The following DMD variants were observed in gnomAD, a reference collection of about 807,000 sequenced individuals.
DMD encodes the protein mutant dystrophin.
Under a neutral mutation model 330.1 loss-of-function variants are expected in DMD, and 63 were observed. The ratio of observed to expected loss-of-function variants is 0.19; its 90% CI spans 0.16 to 0.24. DMD has a LOEUF of 0.24. Among genes scored for constraint, DMD ranks in the 10% least tolerant of loss-of-function variants. DMD has a pLI of 1.00. For synonymous variants in DMD, 1,223 were observed against 959.8 expected (o/e 1.27, Z -5.07); for missense variants, 3,344 against 2,684.1 (o/e 1.25, Z -5.43).
chrX:32,348,314 C>A, intron 38 of DMD, 92 bp downstream of exon 38: 11 of 900,437 alleles, frequency 1.2e-5, no homozygotes, highest in Non-Finnish European at 1.8e-5. Flanking sequence ...GTAATATGTG[C>A]TCTGAAAATT....
At chrX:31,618,944 T>C (rs1382204619) in intron 55 of DMD, among the ~76,000 whole-genome samples, 1 of 111,391 alleles carries the variant, frequency 9.0e-6, no homozygotes, top group East Asian at 2.8e-4. Flanking sequence ...GGATAAGGGA[T>C]ACTCAACCAG....
At chrX:32,614,120 G>C (rs2057382599) in intron 12 of DMD, among the ~76,000 whole-genome samples, 183 bp downstream of exon 12, 1 of 110,334 alleles carries the variant, frequency 9.1e-6, no homozygotes, top group Non-Finnish European at 1.9e-5. Flanking sequence ...ATTTTGGAGG[G>C]GACTTATTCA....
intron 60 of DMD, among the ~76,000 whole-genome samples, chrX:31,430,887 C>T (rs1340599649): frequency 9.9e-6 from 1 of 101,409 alleles, no homozygotes; most frequent in Non-Finnish European, 2.0e-5. Context: ...ACTGCAAGCT[C>T]CGCCTCCCAG....
chrX:32,873,374 C>G lies in DMD; in HGVS notation c.94-23554G>C, dbSNP rs748383078. 2.2e-4 allele frequency among the ~76,000 whole-genome samples: 24 copies of G among 109,913 alleles called. 1 individual carries two copies. The highest frequency in any genetic ancestry group is 4.2e-4 in the Non-Finnish European group (22 of 52,824). On this transcript the variant is annotated intron_variant, in intron 2 of 78. Transcript: ENST00000357033. ...TAGAGTGAGAGAGCAGACATTGAAG[C>G]TACACTCAGGCCTGTTTCTCAGACT...
chrX:32,371,697 G>A (rs1482789553), intron 34 of DMD, among the ~76,000 whole-genome samples: 1 of 110,696 alleles, frequency 9.0e-6, no homozygotes, highest in Non-Finnish European at 1.9e-5. Context: ...TTATGTTTTC[G>A]TGATCAATTC....
chrX:32,402,147 C>G (rs191232112), intron 30 of DMD, among the ~76,000 whole-genome samples: 5 of 111,756 alleles, frequency 4.5e-5, no homozygotes, highest in African/African-American at 1.3e-4. Context: ...TTGCGGACAT[C>G]AGTAGGCCAT....
intron 48 of DMD, among the ~76,000 whole-genome samples, chrX:31,852,483 T>A (rs1411210407): frequency 9.0e-6 from 1 of 111,645 alleles, no homozygotes; most frequent in Non-Finnish European, 1.9e-5. Flanking sequence ...TGGTGAAGAG[T>A]ATGGGCTCTT....
intron 44 of DMD, among the ~76,000 whole-genome samples, chrX:31,988,643 G>T (rs966507650): frequency 9.1e-6 from 1 of 109,739 alleles, no homozygotes; most frequent in Non-Finnish European, 1.9e-5. Context: ...CTTTTTAATT[G>T]TGACTTTCAT....
intron 43 of DMD, among the ~76,000 whole-genome samples, chrX:32,253,751 G>A (rs910257674): frequency 1.9e-5 from 2 of 107,839 alleles, no homozygotes; most frequent in African/African-American, 6.8e-5. Flanking sequence ...AGCCTCCCAA[G>A]TAGCTGGGAC....
intron 46 of DMD, among the ~76,000 whole-genome samples, chrX:31,930,209 G>A (rs1240079194): frequency 4.5e-5 from 5 of 110,267 alleles, no homozygotes; most frequent in Non-Finnish European, 9.5e-5. Context: ...CAGGCACTGT[G>A]CTAACCTTTT....
At chrX:32,441,342 A>T in intron 27 of DMD, 28 bp from the exon 28 acceptor site, 1 of 1,186,395 alleles carries the variant, frequency 8.4e-7, no homozygotes, top group Non-Finnish European at 1.1e-6. Context: ...ATCACAGATT[A>T]AATATTATGG....
At position 31,169,544 on chromosome X, in the gene DMD, G is replaced by T. The variant is rs1225615433; in HGVS notation, c.10452C>A (p.Pro3484=). The T allele has an allele frequency of 3.3e-6, 4 of 1,203,162 alleles. No individual in the cohort carries two copies. The highest frequency in any genetic ancestry group is 1.8e-5 in the South Asian group (1 of 56,038). ...GGGCAGGACTACGAGGCTGGCTCAGGGGGGAGTCCTGGTTCAAACTTTGGC... is the reference window on the plus strand; with the variant it reads ...GGGCAGGACTACGAGGCTGGCTCAGTGGGGAGTCCTGGTTCAAACTTTGGC... The part of the protein sequence containing the change: ...HYCQSLNQDS[P]LSQPRSPAQI... Residue 3484 remains proline, a synonymous_variant, in exon 74 of 79, where the codon CCC becomes CCA. Coordinates refer to ENST00000357033, the MANE Select transcript of DMD (RefSeq NM_004006.3).
chrX:31,300,733 T>C (rs1396715142), intron 62 of DMD, among the ~76,000 whole-genome samples: 2 of 112,352 alleles, frequency 1.8e-5, no homozygotes, highest in Non-Finnish European at 3.8e-5. Flanking sequence ...TTAAATATTT[T>C]TAATCTTTTT....
chrX:31,363,629 C>T (rs752850314), intron 60 of DMD, among the ~76,000 whole-genome samples: 97 of 111,544 alleles, frequency 8.7e-4, no homozygotes, highest in African/African-American at 3.1e-3. Flanking sequence ...CCGCCCACCT[C>T]GGCCTCCCAA....
At chrX:32,584,698 G>T (rs768890001) in intron 13 of DMD, among the ~76,000 whole-genome samples, 12 of 112,061 alleles carry the variant, frequency 1.1e-4, no homozygotes, top group South Asian at 7.4e-4. Context: ...TTTACATCAA[G>T]TTAAAAATAT....
At chrX:32,161,515 T>A (rs1020229711) in intron 44 of DMD, among the ~76,000 whole-genome samples, 5 of 111,948 alleles carry the variant, frequency 4.5e-5, no homozygotes, top group Admixed American at 1.9e-4. Flanking sequence ...ATATCTTTGT[T>A]GTAGAATTAC....
intron 16 of DMD, among the ~76,000 whole-genome samples, chrX:32,554,721 C>G (rs1414255020): frequency 2.9e-5 from 3 of 102,094 alleles, no homozygotes; most frequent in Admixed American, 1.1e-4. Context: ...TCCACTGAAA[C>G]TATTCCAAAA....
At chrX:32,577,997 T>C (rs2053248309) in intron 13 of DMD, among the ~76,000 whole-genome samples, 3 of 112,537 alleles carry the variant, frequency 2.7e-5, no homozygotes, top group East Asian at 5.6e-4. Context: ...TTGGCCTTAA[T>C]TTGAATTACA....
intron 9 of DMD, among the ~76,000 whole-genome samples, chrX:32,664,452 A>G (rs1485917593): frequency 9.1e-6 from 1 of 110,071 alleles, no homozygotes; most frequent in East Asian, 2.9e-4. Flanking sequence ...CGTGTTAGCC[A>G]GGATGGTCTC....
Sources: allele counts gnomAD v4.1 joint callset (sites outside exome capture counted in the v4.1 genomes callset), GRCh38; gene constraint gnomAD v4.1.1; transcripts MANE v1.5; gene names NCBI Gene and HGNC (gene_info 2026-07-23, HGNC 2026-07-21).